Variants in ZNF280D observed in about 807,000 individuals in gnomAD.
The protein encoded by ZNF280D is zinc finger protein 280D.
A neutral mutation model predicts 94.7 loss-of-function variants in ZNF280D; 39 were observed. The ratio of observed to expected loss-of-function variants is 0.41; its 90% CI spans 0.32 to 0.54. The LOEUF (loss-of-function observed/expected upper bound fraction) is 0.54. Ranked by LOEUF, ZNF280D falls within the 20% of genes least tolerant of loss-of-function variation. The pLI, the probability that ZNF280D is intolerant of heterozygous loss-of-function variation, is 0.22. For missense variants in ZNF280D, 1,090 were observed against 1,149.3 expected, an observed-to-expected ratio of 0.95 and a Z score of 0.75; for synonymous variants, 398 against 377.6, an observed-to-expected ratio of 1.05 and a Z score of -0.63.
At chr15:56,659,257 T>G (rs2053755481) in intron 16 of ZNF280D, among the ~76,000 whole-genome samples, 1 of 151,606 alleles carries the variant, frequency 6.6e-6, no homozygotes. Flanking sequence ...CTAACCCAAT[T>G]TTGTAGCCCA....
rs371784062 is a variant in ZNF280D, at chr15:56,669,888, T to TATATATATATAA, written c.1411-932_1411-931insTTATATATATAT. 6.3e-4 allele frequency among the ~76,000 whole-genome samples: 3 copies of TATATATATATAA among 4,768 alleles called. 1 individual carries two copies. The highest frequency in any genetic ancestry group is 1.4e-3 in the Non-Finnish European group (3 of 2,148). 3.1% of individuals were successfully genotyped at this position (4,768 alleles called of 152,430 possible). A position where few individuals can be genotyped will look rare whatever the true frequency, so the allele number is the denominator to read the frequency against. On this transcript the variant is annotated intron_variant, in intron 13 of 21. Transcript: ENST00000267807. ...TATATATATTTTATATATATATATA[T>TATATATATATAA]TATATATATATATAATATATATATA... is the stretch of plus-strand genomic sequence containing the variant.
chr15:56,672,809 A>G (rs765875058), intron 13 of ZNF280D, among the ~76,000 whole-genome samples: 3 of 152,020 alleles, frequency 2.0e-5, no homozygotes, highest in Non-Finnish European at 2.9e-5. Flanking sequence ...GCAATATATA[A>G]ATATGTGTTA....
In ZNF280D at chr15:56,636,332, G is replaced by A. The variant is rs1373848903; in HGVS notation, c.2260-1082C>T. On this transcript the variant is annotated intron_variant, in intron 20 of 21. Coordinates refer to ENST00000267807, the MANE Select transcript of ZNF280D (RefSeq NM_017661.4). Reference sequence around the variant, plus strand: ...TTTGCCCAGAGAACCAAAAACACCTGGTATTTGCAGGTGGTCAGTCTACTA... The same window carrying A: ...TTTGCCCAGAGAACCAAAAACACCTAGTATTTGCAGGTGGTCAGTCTACTA... 2.0e-5 allele frequency among the ~76,000 whole-genome samples: 3 copies of A among 151,938 alleles called. No homozygotes were observed. The East Asian group carries it at 5.8e-4, about 29-fold the overall frequency.
intron 19 of ZNF280D, 124 bp downstream of exon 19, chr15:56,654,073 TA>T (rs571402426): frequency 5.4e-4 from 650 of 1,213,700 alleles, no homozygotes; most frequent in Admixed American, 1.6e-3. Flanking sequence ...CAAGCAGCTT[TA>T]AAAAAAAAAC....
chr15:56,656,077 A>G (rs1321840601), intron 17 of ZNF280D, among the ~76,000 whole-genome samples: 4 of 152,188 alleles, frequency 2.6e-5, no homozygotes, highest in Admixed American at 2.6e-4. Flanking sequence ...CCTCTCTGAA[A>G]TAAGTCTCAT....
intron 1 of ZNF280D, among the ~76,000 whole-genome samples, chr15:56,731,877 A>T (rs1213722113): frequency 7.2e-5 from 11 of 152,176 alleles, no homozygotes. Flanking sequence ...TTAACTCGAG[A>T]ATAAAAATAT....
intron 1 of ZNF280D, among the ~76,000 whole-genome samples, chr15:56,708,468 C>T (rs541919092): frequency 2.3e-4 from 35 of 152,186 alleles, no homozygotes; most frequent in Non-Finnish European, 4.0e-4. Context: ...ACCAGGAACA[C>T]GGAATATTTT....
In ZNF280D at chr15:56,669,880, TATATATA is replaced by T; in HGVS notation, c.1411-930_1411-924del. 8.0e-3 allele frequency among the ~76,000 whole-genome samples: 57 copies of T among 7,164 alleles called. 13 individuals are homozygous for T. The highest frequency in any genetic ancestry group is 0.015 in the African/African-American group (51 of 3,516). The allele number at this position is 7,164 out of a possible 152,430, so 4.7% of individuals were successfully genotyped here. ...TTTATATATATATATATTTTATATA[TATATATA>T]TTATATATATATATAATATATATAT... On this transcript the variant is annotated intron_variant, in intron 13 of 21. Transcript: ENST00000267807.
intron 13 of ZNF280D, among the ~76,000 whole-genome samples, chr15:56,675,904 C>T (rs1035533608): frequency 5.3e-5 from 8 of 152,018 alleles, no homozygotes; most frequent in Non-Finnish European, 1.0e-4. Context: ...GGCAAAGGCA[C>T]TGTTGTTCTT....
intron 21 of ZNF280D, among the ~76,000 whole-genome samples, chr15:56,633,430 A>G (rs1207639934): frequency 2.0e-5 from 3 of 152,166 alleles, no homozygotes; most frequent in Non-Finnish European, 4.4e-5. Flanking sequence ...AAAGATATTT[A>G]TCAAGGATGC....
At chr15:56,719,400 T>C (rs1418154632) in intron 1 of ZNF280D, among the ~76,000 whole-genome samples, 1 of 151,836 alleles carries the variant, frequency 6.6e-6, no homozygotes, top group African/African-American at 2.4e-5. Flanking sequence ...GCTTCCTCTC[T>C]TTCACCTTAT....
chr15:56,727,624 A>G (rs1343641168), intron 1 of ZNF280D, among the ~76,000 whole-genome samples: 1 of 152,196 alleles, frequency 6.6e-6, no homozygotes, highest in Non-Finnish European at 1.5e-5. Flanking sequence ...ATCTGTTTCT[A>G]GTTTTCACTG....
chr15:56,670,133 C>A (rs2054762764), intron 13 of ZNF280D, among the ~76,000 whole-genome samples: 1 of 131,086 alleles, frequency 7.6e-6, no homozygotes, highest in Non-Finnish European at 1.6e-5. Flanking sequence ...AAAGGAATGC[C>A]TTATCTAAAG....
At chr15:56,685,841 A>G (rs1188845060) in intron 9 of ZNF280D, among the ~76,000 whole-genome samples, 1 of 152,146 alleles carries the variant, frequency 6.6e-6, no homozygotes, top group East Asian at 1.9e-4. Context: ...ATTTTAACAG[A>G]ACTAAGACCA....
At chr15:56,733,203 G>C (rs1007921612) in intron 1 of ZNF280D, among the ~76,000 whole-genome samples, 1 of 152,202 alleles carries the variant, frequency 6.6e-6, no homozygotes, top group Non-Finnish European at 1.5e-5. Context: ...AGGCCTGCGC[G>C]GCCCAGGCCT....
intron 17 of ZNF280D, among the ~76,000 whole-genome samples, chr15:56,658,045 C>T (rs1424269244): frequency 2.6e-5 from 4 of 152,058 alleles, no homozygotes; most frequent in African/African-American, 9.7e-5. Context: ...ATACATGCTA[C>T]AACATAGATG....
At chr15:56,653,005 G>C in intron 19 of ZNF280D, 1 of 935,126 alleles carries the variant, frequency 1.1e-6, no homozygotes, top group Non-Finnish European at 1.3e-6. Flanking sequence ...ATAAAACCAA[G>C]CTATTAAATT....
chr15:56,707,613 G>A (rs1410382982), intron 1 of ZNF280D, among the ~76,000 whole-genome samples: 5 of 152,188 alleles, frequency 3.3e-5, no homozygotes, highest in Non-Finnish European at 2.9e-5. Context: ...CTTTTCAAAC[G>A]CTGAGTGACA....
At chr15:56,705,181 T>C (rs777525178) in intron 3 of ZNF280D, among the ~76,000 whole-genome samples, 1 of 152,208 alleles carries the variant, frequency 6.6e-6, no homozygotes, top group Non-Finnish European at 1.5e-5. Flanking sequence ...CTAAATGCCA[T>C]CAATATCATG....
Sources: allele counts gnomAD v4.1 joint callset (sites outside exome capture counted in the v4.1 genomes callset), GRCh38; gene constraint gnomAD v4.1.1; transcripts MANE v1.5; gene names NCBI Gene and HGNC (gene_info 2026-07-23, HGNC 2026-07-21).